The following IMMP2L variants were observed in gnomAD, a reference collection of about 807,000 sequenced individuals.
IMMP2L encodes mitochondrial inner membrane protease subunit 2.
In IMMP2L, 18 loss-of-function variants were observed where a neutral mutation model predicts 19.3. That is an observed-to-expected ratio of 0.93 (90% confidence interval 0.64 to 1.38). The LOEUF (loss-of-function observed/expected upper bound fraction) is 1.38, where lower values mean the gene tolerates loss of function less well. IMMP2L is among the 40% of genes most tolerant of loss of function. IMMP2L has a pLI of 0.00. For missense variants in IMMP2L, 233 were observed against 218.2 expected (o/e 1.07, Z -0.43); for synonymous variants, 76 against 73.0 (o/e 1.04, Z -0.21).
At chr7:111,058,184 G>A (rs1010615820) in intron 3 of IMMP2L, among the ~76,000 whole-genome samples, 1 of 151,836 alleles carries the variant, frequency 6.6e-6, no homozygotes, top group African/African-American at 2.4e-5. Flanking sequence ...CCCAAAGAGA[G>A]AAAAAAAGCC....
intron 3 of IMMP2L, among the ~76,000 whole-genome samples, chr7:111,314,447 T>C (rs1170716738): frequency 6.6e-6 from 1 of 152,136 alleles, no homozygotes; most frequent in Non-Finnish European, 1.5e-5. Flanking sequence ...GCTCATACAA[T>C]TGATTGAATG....
intron 3 of IMMP2L, among the ~76,000 whole-genome samples, chr7:111,350,263 G>A (rs1335021112): frequency 4.0e-5 from 6 of 151,690 alleles, no homozygotes. Flanking sequence ...ACCACACCTG[G>A]CCCAGATGTT....
intron 3 of IMMP2L, among the ~76,000 whole-genome samples, chr7:110,985,815 A>C (rs1367657052): frequency 2.6e-5 from 4 of 152,164 alleles, no homozygotes; most frequent in Non-Finnish European, 4.4e-5. Context: ...AATGTCATTA[A>C]TAAAAATGAA....
chr7:111,270,057 CTGTGTGTGTGTGTGTG>C (rs58848663), intron 3 of IMMP2L, among the ~76,000 whole-genome samples: 1 of 140,522 alleles, frequency 7.1e-6, no homozygotes, highest in Non-Finnish European at 1.6e-5. Flanking sequence ...GCATGTGTGT[CTGTGTGTGTGTGTGTG>C]TGTGTGTGTG....
At chr7:111,148,372 G>A (rs1003333979) in intron 3 of IMMP2L, among the ~76,000 whole-genome samples, 1 of 152,006 alleles carries the variant, frequency 6.6e-6, no homozygotes, top group Non-Finnish European at 1.5e-5. Flanking sequence ...GGAAGGAATA[G>A]GGAATGATTG....
rs1211750996 is a variant in IMMP2L, at chr7:111,476,687, T to A, written c.239+10551A>T. Among the ~76,000 whole-genome samples, 6 of 152,290 alleles carry A rather than the reference T, an allele frequency of 3.9e-5. No individual in the cohort carries two copies. In the East Asian group the frequency reaches 1.2e-3, roughly 29 times the overall value. On this transcript the variant is annotated intron_variant, in intron 3 of 5. Transcript: ENST00000405709. ...GTAGTTGTAAGACCGAGGTACTTGT[T>A]TCCTTGCTGATCTTTGATTGAAGGT...
At chr7:110,825,774 T>C (rs1353447447) in intron 5 of IMMP2L, among the ~76,000 whole-genome samples, 19 of 152,288 alleles carry the variant, frequency 1.2e-4, no homozygotes, top group Non-Finnish European at 1.5e-5. Context: ...GACATAGGCA[T>C]GGGCAACGAC....
chr7:110,764,405 C>T (rs528261188), intron 5 of IMMP2L, among the ~76,000 whole-genome samples: 1 of 152,094 alleles, frequency 6.6e-6, no homozygotes, highest in South Asian at 2.1e-4. Flanking sequence ...TGAGTCCCCC[C>T]ACTCAAAAAA....
chr7:111,099,786 G>T (rs1189130867), intron 3 of IMMP2L: 1 of 151,506 alleles, frequency 6.6e-6, no homozygotes, highest in Non-Finnish European at 1.5e-5. Context: ...TGTGAATCAT[G>T]AATAACCTAA....
chr7:110,765,286 A>C (rs1473551807), intron 5 of IMMP2L, among the ~76,000 whole-genome samples: 1 of 152,150 alleles, frequency 6.6e-6, no homozygotes, highest in Non-Finnish European at 1.5e-5. Context: ...TTCCAACCAT[A>C]AACATTATCA....
intron 5 of IMMP2L, among the ~76,000 whole-genome samples, chr7:110,747,845 A>C (rs985872349): frequency 6.0e-5 from 9 of 150,704 alleles, no homozygotes; most frequent in Non-Finnish European, 1.2e-4. Context: ...GCACAAGACC[A>C]GGATGCCCTC....
At chr7:111,473,379 CA>C (rs975988247) in intron 3 of IMMP2L, among the ~76,000 whole-genome samples, 80 of 152,126 alleles carry the variant, frequency 5.3e-4, no homozygotes, top group African/African-American at 1.9e-3. Context: ...ATACAAAATA[CA>C]AAAAAATACA....
intron 3 of IMMP2L, among the ~76,000 whole-genome samples, chr7:111,421,252 GTTGT>G (rs1403650007): frequency 1.3e-4 from 19 of 147,942 alleles, no homozygotes; most frequent in Non-Finnish European, 2.2e-4. Flanking sequence ...TTTTGATGGG[GTTGT>G]TTGTTTTTTT....
chr7:110,935,429 A>AT (rs71151822), intron 4 of IMMP2L, among the ~76,000 whole-genome samples: 82,753 of 151,722 alleles, frequency 0.55, 24,261 homozygotes, highest in East Asian at 0.85. Context: ...TGCCCTTTAC[A>AT]TTTTCTCCTT....
intron 3 of IMMP2L, among the ~76,000 whole-genome samples, chr7:111,399,689 C>A (rs1259584368): frequency 6.6e-6 from 1 of 152,018 alleles, no homozygotes; most frequent in African/African-American, 2.4e-5. Flanking sequence ...ATTAATGTAT[C>A]CTTTCATACT....
intron 3 of IMMP2L, among the ~76,000 whole-genome samples, chr7:111,070,896 T>A (rs1563212277): frequency 6.6e-6 from 1 of 152,188 alleles, no homozygotes. Flanking sequence ...TTAATTCAAG[T>A]CTCTCACTTA....
rs1319195130 is a variant in IMMP2L at position 111,066,046 on chromosome 7, T to C, written c.240-102481A>G. On this transcript the variant is annotated intron_variant, in intron 3 of 5. Coordinates refer to ENST00000405709, the MANE Select transcript of IMMP2L (RefSeq NM_032549.4). The stretch of plus-strand genomic sequence containing the variant: ...CAGGCTTGAGTGCTATGGCGCAATC[T>C]TGACTCACTGCAACCTCCGCCTCCT... Among the ~76,000 whole-genome samples the C allele has an allele frequency of 3.3e-5, 5 of 151,306 alleles. No individual in the cohort carries two copies. In the East Asian group the frequency reaches 7.8e-4, roughly 23 times the overall value.
chr7:111,210,484 T>G lies in IMMP2L; in HGVS notation c.240-246919A>C, dbSNP rs1164048762. ...GTGCCTCATTATTCTTAGAAAACTC[T>G]AAGGACTACCTGCACTTATTTTATA... On this transcript the variant is annotated intron_variant, in intron 3 of 5. Transcript: ENST00000405709. Among the ~76,000 whole-genome samples the G allele has an allele frequency of 4.6e-5, 7 of 152,176 alleles. No homozygotes were observed. In the East Asian group the frequency reaches 1.3e-3, roughly 29 times the overall value.
chr7:111,215,973 T>C (rs1586871848), intron 3 of IMMP2L, among the ~76,000 whole-genome samples: 2 of 152,308 alleles, frequency 1.3e-5, no homozygotes, highest in African/African-American at 2.4e-5. Flanking sequence ...TCTTTTATTG[T>C]CCTCTTGAAA....
Sources: allele counts gnomAD v4.1 joint callset (sites outside exome capture counted in the v4.1 genomes callset), GRCh38; gene constraint gnomAD v4.1.1; transcripts MANE v1.5; gene names NCBI Gene and HGNC (gene_info 2026-07-23, HGNC 2026-07-21).